The following SSX3 variants were observed in gnomAD, a reference collection of about 807,000 sequenced individuals.
SSX3 encodes the protein SSX family member 3.
Under a neutral mutation model 14.8 loss-of-function variants are expected in SSX3, and 6 were observed. The observed-to-expected ratio is 0.41, with a 90% CI of 0.22 to 0.80. The LOEUF is 0.80. Among genes scored for constraint, SSX3 ranks in the 30% least tolerant of loss-of-function variants. SSX3 has a pLI of 0.34. For missense variants in SSX3, 163 were observed against 152.2 expected (o/e 1.07, Z -0.37); for synonymous variants, 55 against 52.9 (o/e 1.04, Z -0.18).
intron 7 of SSX3, 107 bp downstream of exon 7, chrX:48,347,393 T>C: frequency 9.0e-7 from 1 of 1,114,018 alleles, no homozygotes; most frequent in Non-Finnish European, 1.2e-6. Flanking sequence ...CACTAGAAAA[T>C]TATAAGAAGG....
Position 48,354,854 on chromosome X carries a change from TC to T in SSX3, c.70-109del, listed in dbSNP as rs782067817. The T allele has an allele frequency of 4.3e-5, 51 of 1,195,770 alleles. No individual in the cohort carries two copies. The East Asian group carries it at 1.3e-3, about 31-fold the overall frequency. On this transcript the variant is annotated intron_variant, in intron 2 of 7. Transcript: ENST00000298396. ...GGATCTGGGAAGTGGGGATAATCCT[TC>T]CTGGTTGATGCCACGGCTAACTGAC...
Position 48,354,763 on chromosome X carries a change from A to C in SSX3, c.70-17T>G. ...ATCGAAGGCCTACAAAAAAAAAAAA[A>C]AGGAATTATGGCAGGGACTCAGCTA... On this transcript the variant is annotated splice_polypyrimidine_tract_variant and intron_variant, in intron 2 of 7. Coordinates refer to ENST00000298396, the MANE Select transcript of SSX3 (RefSeq NM_021014.4). 8.3e-7 allele frequency: 1 copy of C among 1,200,315 alleles called. No individual in the cohort carries two copies. Among genetic ancestry groups the C allele is most frequent in the Non-Finnish European group, 1.1e-6 (1 of 889,048 alleles).
intron 5 of SSX3, 29 bp downstream of exon 5, chrX:48,352,071 C>G: frequency 8.3e-7 from 1 of 1,202,138 alleles, no homozygotes; most frequent in South Asian, 1.8e-5. Flanking sequence ...CAAAGGTTCT[C>G]TGGTCCTTTA....
At chrX:48,349,791 C>G in intron 6 of SSX3, 196 bp downstream of exon 6, 21 of 1,128,696 alleles carry the variant, frequency 1.9e-5, no homozygotes, top group Non-Finnish European at 2.3e-5. Context: ...CCTCAAGTCA[C>G]GTGGTTTTTT....
At chrX:48,353,958 G>C (rs782786264) in intron 4 of SSX3, 41 bp downstream of exon 4, 56 of 1,157,853 alleles carry the variant, frequency 4.8e-5, no homozygotes, top group Non-Finnish European at 4.7e-6. Context: ...AAAGCAATTG[G>C]GCTTGAGGAG....
intron 6 of SSX3, chrX:48,349,339 G>A (rs1417373955): frequency 2.7e-5 from 12 of 444,286 alleles, no homozygotes; most frequent in Middle Eastern, 7.2e-4. Flanking sequence ...CATCAACACC[G>A]AGGCAAGACC....
chrX:48,351,891 T>A (rs1482988917), intron 5 of SSX3, among the ~76,000 whole-genome samples: 3 of 112,048 alleles, frequency 2.7e-5, no homozygotes, highest in Non-Finnish European at 5.6e-5. Context: ...CTGCTTGAAA[T>A]AGTATCTGGC....
intron 4 of SSX3, among the ~76,000 whole-genome samples, chrX:48,353,021 T>A (rs1286345490): frequency 9.0e-6 from 1 of 111,515 alleles, no homozygotes; most frequent in Non-Finnish European, 1.9e-5. Flanking sequence ...CTTTATTACA[T>A]AATGTGTTCA....
intron 6 of SSX3, chrX:48,349,302 C>A (rs2061251464): frequency 2.8e-6 from 1 of 356,349 alleles, no homozygotes; most frequent in African/African-American, 2.6e-5. Context: ...CAATCTTCAG[C>A]AACCACCACC....
At chrX:48,351,841 C>A (rs1306073417) in intron 5 of SSX3, among the ~76,000 whole-genome samples, 2 of 111,578 alleles carry the variant, frequency 1.8e-5, no homozygotes, top group African/African-American at 6.5e-5. Context: ...ATAATAGAAA[C>A]AATGTCTTCT....
At chrX:48,352,399 G>C (rs3014654) in intron 4 of SSX3, among the ~76,000 whole-genome samples, 4,919 of 111,935 alleles carry the variant, frequency 0.044, 298 homozygotes, top group African/African-American at 0.15. Flanking sequence ...CATCTTATTC[G>C]ATTACATATC....
chrX:48,356,193 G>A (rs1485580328), intron 1 of SSX3, among the ~76,000 whole-genome samples: 1 of 111,166 alleles, frequency 9.0e-6, no homozygotes, highest in Non-Finnish European at 1.9e-5. Context: ...GGGGTGGTGC[G>A]CGCCTGTAGT....
chrX:48,352,944 A>G (rs1409906153), intron 4 of SSX3, among the ~76,000 whole-genome samples: 1 of 111,742 alleles, frequency 8.9e-6, no homozygotes, highest in Non-Finnish European at 1.9e-5. Context: ...AGCTCATCAC[A>G]GAGAATCAGG....
chrX:48,353,666 G>A (rs2061272759), intron 4 of SSX3, among the ~76,000 whole-genome samples: 1 of 111,174 alleles, frequency 9.0e-6, no homozygotes, highest in African/African-American at 3.3e-5. Flanking sequence ...ACAAGTCACA[G>A]CTGAAGCTGT....
chrX:48,347,998 T>C (rs1236234942), intron 6 of SSX3, among the ~76,000 whole-genome samples: 1 of 112,872 alleles, frequency 8.9e-6, no homozygotes, highest in African/African-American at 3.2e-5. Context: ...ATTTTACACT[T>C]TTCCATTATT....
At position 48,347,545 on chromosome X, in the gene SSX3, T is replaced by C. The variant is rs565079336; in HGVS notation, c.526A>G (p.Ile176Val). The part of the protein sequence containing the change: ...HRLRERKQLV[I>V]YEEISDPEED... ...TCAGGATCGCTGATCTCTTCATAAATCACCAGCTGCTTTCTCTCACGCAGT... is the reference window on the plus strand; with the variant it reads ...TCAGGATCGCTGATCTCTTCATAAACCACCAGCTGCTTTCTCTCACGCAGT... The change falls in exon 7 of 8, where the codon ATT becomes GTT. Residue 176 changes from isoleucine (I) to valine (V), a missense_variant. By Grantham distance (29) the Ile-to-Val change is conservative. Transcript: ENST00000298396. 5.8e-6 allele frequency: 7 copies of C among 1,210,222 alleles called. No homozygotes were observed. In the African/African-American group the frequency reaches 1.2e-4, roughly 21 times the overall value.
chrX:48,347,162 C>G, intron 7 of SSX3, 127 bp from the exon 8 acceptor site: 1 of 912,116 alleles, frequency 1.1e-6, no homozygotes, highest in Non-Finnish European at 1.6e-6. Flanking sequence ...GACCTGCACA[C>G]ACCTTCCACG....
intron 1 of SSX3, among the ~76,000 whole-genome samples, chrX:48,355,957 A>G (rs2061285566): frequency 3.6e-5 from 4 of 111,217 alleles, no homozygotes; most frequent in Admixed American, 2.9e-4. Context: ...CGTGCAGGTC[A>G]CTTGAGCCCA....
At chrX:48,354,368 T>A (rs1468449810) in intron 3 of SSX3, among the ~76,000 whole-genome samples, 2 of 107,469 alleles carry the variant, frequency 1.9e-5, no homozygotes, top group Non-Finnish European at 3.8e-5. Flanking sequence ...GTTGCCGGGA[T>A]GCCACAGAGA....
Sources: gnomAD v4.1 joint callset for allele counts (sites outside exome capture counted in the v4.1 genomes callset) on GRCh38, gnomAD v4.1.1 for gene constraint, MANE v1.5 for transcripts, NCBI Gene and HGNC (gene_info 2026-07-23, HGNC 2026-07-21) for gene names.